The following ANKRD50 variants were observed in gnomAD, a reference collection of about 807,000 sequenced individuals.
The protein encoded by ANKRD50 is ankyrin repeat domain 50, also known as ankyrin repeat domain-containing protein 50.
A neutral mutation model predicts 112.0 loss-of-function variants in ANKRD50; 40 were observed. The observed-to-expected ratio is 0.36, with a 90% confidence interval of 0.28 to 0.46. The LOEUF (loss-of-function observed/expected upper bound fraction) is 0.46, where lower values mean the gene tolerates loss of function less well. Ranked by LOEUF, ANKRD50 falls within the 20% of genes least tolerant of loss-of-function variation. The probability of loss-of-function intolerance (pLI) is 1.00; values close to 1 mark genes in which losing one functional copy is unlikely to be tolerated. For missense variants in ANKRD50, 1,487 were observed against 1,701.7 expected (o/e 0.87, Z 2.22); for synonymous variants, 613 against 619.1 (o/e 0.99, Z 0.15).
At position 124,678,778 on chromosome 4, in the gene ANKRD50, C is replaced by T. The variant is rs141156469; in HGVS notation, c.640G>A (p.Val214Ile). The T allele has an allele frequency of 5.0e-6, 8 of 1,613,794 alleles. No homozygotes were observed. In the African/African-American group the frequency reaches 9.3e-5, roughly 19 times the overall value. ...EQTSTSLSGTVAALLAGHHEF... is the reference protein window; with the variant it reads ...EQTSTSLSGTIAALLAGHHEF... The stretch of plus-strand genomic sequence containing the variant: ...TGGTGACCAGCTAAAAGTGCTGCAA[C>T]AGTCCCAGATAAGCTGGTAGACGTT... The change falls in exon 3 of 5, where the codon GTT (valine) becomes ATT (isoleucine). Residue 214 changes from valine (V) to isoleucine (I), a missense_variant. By Grantham distance (29) the Val-to-Ile change is conservative. This residue lies in a region of ANKRD50 where 1,046 missense variants were observed against 1,269.5 expected (regional missense o/e 0.82). Coordinates refer to ENST00000504087, the MANE Select transcript of ANKRD50 (RefSeq NM_020337.3).
intron 2 of ANKRD50, among the ~76,000 whole-genome samples, chr4:124,694,418 A>G (rs1725205454): frequency 6.6e-6 from 1 of 152,216 alleles, no homozygotes. Flanking sequence ...CAGAAATGAA[A>G]AAGAAGCATA....
Position 124,671,607 on chromosome 4 carries a change from C to T in ANKRD50, c.1670G>A (p.Ser557Asn). The T allele has an allele frequency of 1.2e-6, 2 of 1,613,894 alleles. No individual in the cohort carries two copies. Among genetic ancestry groups the T allele is most frequent in the African/African-American group, 1.3e-5 (1 of 75,008 alleles). Residue 557 changes from serine (S) to asparagine (N), a missense_variant, in exon 4 of 5, where the codon AGT becomes AAT. Physicochemically the swap from Ser to Asn is conservative, Grantham distance 46 (BLOSUM62 1). Transcript: ENST00000504087. ...TLLANAAYSG[S>N]LDVVNLLVSR... ...GACAAGTAAATTGACTACATCAAGA[C>T]TGCCACTATATGCAGCATTAGCCAA...
chr4:124,701,879 T>C (rs1192012121), intron 2 of ANKRD50, among the ~76,000 whole-genome samples: 6 of 151,338 alleles, frequency 4.0e-5, no homozygotes, highest in Non-Finnish European at 8.8e-5. Flanking sequence ...CAAACCATTT[T>C]ACTTCACAAA....
intron 2 of ANKRD50, among the ~76,000 whole-genome samples, chr4:124,691,498 CAAAAAAAAAAAA>C (rs71583369): frequency 1.7e-5 from 1 of 59,764 alleles, no homozygotes; most frequent in African/African-American, 7.3e-5. Context: ...GACTCCGTCT[CAAAAAAAAAAAA>C]AAAAAAAAAA....
chr4:124,688,145 T>C (rs1725048044), intron 2 of ANKRD50, among the ~76,000 whole-genome samples: 1 of 152,108 alleles, frequency 6.6e-6, no homozygotes, highest in African/African-American at 2.4e-5. Flanking sequence ...GGCATATCCA[T>C]ACAACAGAGT....
chr4:124,706,345 T>C (rs1347306719), intron 2 of ANKRD50, among the ~76,000 whole-genome samples: 1 of 152,100 alleles, frequency 6.6e-6, no homozygotes, highest in Admixed American at 6.5e-5. Context: ...TAGAATATAC[T>C]ATACCATGTC....
chr4:124,682,503 A>T (rs1724916341), intron 2 of ANKRD50, among the ~76,000 whole-genome samples: 1 of 152,068 alleles, frequency 6.6e-6, no homozygotes, highest in African/African-American at 2.4e-5. Context: ...AAATATTTGA[A>T]TATAAGTGTC....
At chr4:124,677,154 T>C (rs1205749215) in intron 3 of ANKRD50, among the ~76,000 whole-genome samples, 2 of 151,752 alleles carry the variant, frequency 1.3e-5, no homozygotes, top group African/African-American at 2.4e-5. Context: ...ACATCTACCA[T>C]GAACAGAGTG....
At chr4:124,703,516 T>C (rs1203606456) in intron 2 of ANKRD50, among the ~76,000 whole-genome samples, 1 of 152,086 alleles carries the variant, frequency 6.6e-6, no homozygotes, top group Non-Finnish European at 1.5e-5. Context: ...CACATGTAAA[T>C]ACATGAACTG....
intron 2 of ANKRD50, among the ~76,000 whole-genome samples, chr4:124,684,573 C>T (rs985492741): frequency 6.6e-6 from 1 of 152,172 alleles, no homozygotes; most frequent in African/African-American, 2.4e-5. Flanking sequence ...TATAACTTAT[C>T]TCCCTGGGAT....
Position 124,710,088 on chromosome 4 carries a change from C to T in ANKRD50, c.424G>A (p.Gly142Arg), listed in dbSNP as rs774899769. Residue 142 changes from glycine to arginine, a missense_variant, in exon 2 of 5, where the codon GGA (glycine) becomes AGA (arginine). By Grantham distance (125) the Gly-to-Arg change is moderately radical. Coordinates refer to ENST00000504087, the MANE Select transcript of ANKRD50 (RefSeq NM_020337.3). ...AQICRSGLLQ[G>R]YEDKLRDPAV... ...GGATCCCTTAGCTTGTCCTCATATC[C>T]TTGGAGTAGTCCACTGCGGCAGATC... is the stretch of plus-strand genomic sequence containing the variant. 1 of 1,614,162 alleles carries T rather than the reference C, an allele frequency of 6.2e-7. No individual in the cohort carries two copies. The highest frequency in any genetic ancestry group is 1.1e-5 in the South Asian group (1 of 91,088).
intron 2 of ANKRD50, among the ~76,000 whole-genome samples, chr4:124,697,351 T>C (rs1358865597): frequency 6.6e-6 from 1 of 152,188 alleles, no homozygotes; most frequent in Non-Finnish European, 1.5e-5. Context: ...GGTGCTATGG[T>C]TGAGTGTTCC....
chr4:124,710,434 C>T lies in ANKRD50; in HGVS notation c.78G>A (p.Arg26=), dbSNP rs1725603626. The stretch of plus-strand genomic sequence containing the variant: ...GCTGAAGCTTGTGGAAAACCCACTC[C>T]CTACAGTAAAACTGCTTCCCTTGCA... ...SLLQGKQFYC[R]EWVFHKLQHC... is the part of the protein sequence containing the mutation. Residue 26 remains arginine, a synonymous_variant, in exon 2 of 5, where the codon AGG becomes AGA. Coordinates refer to ENST00000504087, the MANE Select transcript of ANKRD50 (RefSeq NM_020337.3). 6.2e-7 allele frequency: 1 copy of T among 1,614,162 alleles called. No individual in the cohort carries two copies. Among genetic ancestry groups the T allele is most frequent in the Non-Finnish European group, 8.5e-7 (1 of 1,180,038 alleles).
chr4:124,680,554 G>A (rs1724862388), intron 2 of ANKRD50, among the ~76,000 whole-genome samples: 1 of 152,136 alleles, frequency 6.6e-6, no homozygotes, highest in African/African-American at 2.4e-5. Flanking sequence ...CTGAGTTTGG[G>A]AAAACCTACT....
intron 2 of ANKRD50, among the ~76,000 whole-genome samples, chr4:124,702,662 T>C (rs1725416856): frequency 6.6e-6 from 1 of 152,178 alleles, no homozygotes; most frequent in Non-Finnish European, 1.5e-5. Flanking sequence ...CCCAGACTTG[T>C]AGATAATAAT....
intron 2 of ANKRD50, 52 bp downstream of exon 2, chr4:124,709,948 T>A: frequency 6.5e-7 from 1 of 1,546,236 alleles, no homozygotes. Flanking sequence ...CAACTAAAAA[T>A]TAATTTAATT....
rs1338724899 is a variant in ANKRD50 at position 124,710,475 on chromosome 4, C to T, written c.37G>A (p.Ala13Thr). ...TTCCCTTGCAGTAAACTGGTTTGAG[C>T]CATTTTGCAGACTTTCTCTTCCCAA... ...NPWEEKVCKM[A>T]QTSLLQGKQF... Residue 13 changes from alanine (A) to threonine (T), a missense_variant, in exon 2 of 5, where the codon GCT (alanine) becomes ACT (threonine). By Grantham distance (58) the Ala-to-Thr change is moderately conservative. This residue lies in a region of ANKRD50 where 1,046 missense variants were observed against 1,269.5 expected (regional missense o/e 0.82). Transcript: ENST00000504087. 1 of 1,613,500 alleles carries T rather than the reference C, an allele frequency of 6.2e-7. No homozygotes were observed. The highest frequency in any genetic ancestry group is 8.5e-7 in the Non-Finnish European group (1 of 1,179,942).
At chr4:124,678,601 T>C in intron 3 of ANKRD50, 75 bp downstream of exon 3, 1 of 1,350,100 alleles carries the variant, frequency 7.4e-7, no homozygotes, top group Non-Finnish European at 1.0e-6. Flanking sequence ...GATGTTCAAC[T>C]GCATACTTTT....
intron 2 of ANKRD50, among the ~76,000 whole-genome samples, chr4:124,693,739 T>C: frequency 6.6e-6 from 1 of 152,172 alleles, no homozygotes; most frequent in Non-Finnish European, 1.5e-5. Flanking sequence ...AGTTTATCCA[T>C]TCTGATTCTG....
Sources: allele counts gnomAD v4.1 joint callset (sites outside exome capture counted in the v4.1 genomes callset), GRCh38; gene constraint gnomAD v4.1.1; regional missense constraint gnomAD v4.1.1; transcripts MANE v1.5; gene names NCBI Gene and HGNC (gene_info 2026-07-23, HGNC 2026-07-21).